The following CNTN5 variants were observed in gnomAD, a reference collection of about 807,000 sequenced individuals.
CNTN5 encodes the protein contactin-5.
Under a neutral mutation model 129.1 loss-of-function variants are expected in CNTN5, and 77 were observed. The ratio of observed to expected loss-of-function variants is 0.60; its 90% CI spans 0.50 to 0.72. The LOEUF (loss-of-function observed/expected upper bound fraction) is 0.72, where lower values mean the gene tolerates loss of function less well. Among genes scored for constraint, CNTN5 ranks in the 30% least tolerant of loss-of-function variants. The pLI is 0.00. For missense variants in CNTN5, 1,478 were observed against 1,328.8 expected, an observed-to-expected ratio of 1.11 and a Z score of -1.75; for synonymous variants, 509 against 465.6, an observed-to-expected ratio of 1.09 and a Z score of -1.20.
chr11:99,449,744 G>A (rs779430756), intron 2 of CNTN5, among the ~76,000 whole-genome samples: 1 of 152,128 alleles, frequency 6.6e-6, no homozygotes, highest in South Asian at 2.1e-4. Context: ...GCCCCACCAG[G>A]TTTTCTCTTG....
intron 3 of CNTN5, among the ~76,000 whole-genome samples, chr11:99,781,647 T>C (rs1248932895): frequency 6.6e-6 from 1 of 152,050 alleles, no homozygotes. Flanking sequence ...ACCCAGCAGG[T>C]ACTCAATGAA....
intron 1 of CNTN5, among the ~76,000 whole-genome samples, chr11:99,142,064 G>T (rs769363118): frequency 1.3e-5 from 2 of 152,060 alleles, no homozygotes; most frequent in African/African-American, 4.8e-5. Flanking sequence ...TTTGCTTCTC[G>T]ATGATTTCAA....
chr11:100,210,651 T>G (rs1270528661), intron 15 of CNTN5, among the ~76,000 whole-genome samples: 1 of 152,216 alleles, frequency 6.6e-6, no homozygotes, highest in East Asian at 1.9e-4. Context: ...CTGAATTTCT[T>G]GTATTCAACA....
At chr11:99,675,650 G>A (rs915483695) in intron 3 of CNTN5, among the ~76,000 whole-genome samples, 6 of 152,058 alleles carry the variant, frequency 3.9e-5, no homozygotes, top group African/African-American at 1.4e-4. Flanking sequence ...GTGCCCCACT[G>A]CCCTCCAGCC....
In CNTN5 at chr11:100,255,747, C is replaced by A. The variant is rs770751110; in HGVS notation, c.2006-13C>A. 5.0e-6 allele frequency: 8 copies of A among 1,612,376 alleles called. No individual in the cohort carries two copies. The South Asian group carries it at 8.8e-5, about 18-fold the overall frequency. On this transcript the variant is annotated splice_polypyrimidine_tract_variant and intron_variant, in intron 16 of 24. Coordinates refer to ENST00000524871, the MANE Select transcript of CNTN5 (RefSeq NM_014361.4). The stretch of plus-strand genomic sequence containing the variant: ...ATTTGTGCTTAACTTTATCCATTGC[C>A]TTTGACCTATAGGACCCCCAGGCCC...
At chr11:99,254,474 T>C (rs1862275852) in intron 1 of CNTN5, among the ~76,000 whole-genome samples, 1 of 151,914 alleles carries the variant, frequency 6.6e-6, no homozygotes, top group South Asian at 2.1e-4. Flanking sequence ...AGGAAATAGA[T>C]TTTGCATCAG....
chr11:100,204,256 C>G (rs1180552742), intron 15 of CNTN5, among the ~76,000 whole-genome samples: 2 of 112,718 alleles, frequency 1.8e-5, no homozygotes, highest in African/African-American at 3.1e-5. Context: ...GAACTAAAAA[C>G]TAGCCATTTA....
chr11:99,650,065 A>AT lies in CNTN5; in HGVS notation c.55+93803dup, dbSNP rs1284497015. Among the ~76,000 whole-genome samples, 4 of 151,856 alleles carry AT rather than the reference A, an allele frequency of 2.6e-5. No homozygotes were observed. In the East Asian group the frequency reaches 5.8e-4, roughly 22 times the overall value. On this transcript the variant is annotated intron_variant, in intron 3 of 24. Coordinates refer to ENST00000524871, the MANE Select transcript of CNTN5 (RefSeq NM_014361.4). ...AGCATGCAAAAGACATAAAAAGAGT[A>AT]TTTTTTTCTGAACTGTTGAGCTATA...
intron 9 of CNTN5, among the ~76,000 whole-genome samples, chr11:100,060,505 C>T (rs1943419886): frequency 6.6e-6 from 1 of 152,006 alleles, no homozygotes; most frequent in Non-Finnish European, 1.5e-5. Context: ...ATAAGATTTG[C>T]AGTGTTGGAG....
intron 1 of CNTN5, among the ~76,000 whole-genome samples, chr11:99,284,623 G>T (rs1196555122): frequency 8.2e-6 from 1 of 121,280 alleles, no homozygotes; most frequent in Non-Finnish European, 1.9e-5. Flanking sequence ...GTGTGTGTGT[G>T]TGTGTGTGTG....
chr11:99,371,081 A>G (rs751805055), intron 2 of CNTN5, among the ~76,000 whole-genome samples: 2 of 151,982 alleles, frequency 1.3e-5, no homozygotes, highest in African/African-American at 2.4e-5. Flanking sequence ...TCAAGTTTCT[A>G]TTTTTGCTCA....
At chr11:99,664,973 C>T (rs1470936340) in intron 3 of CNTN5, among the ~76,000 whole-genome samples, 2 of 152,150 alleles carry the variant, frequency 1.3e-5, no homozygotes. Flanking sequence ...TTTATCAGGA[C>T]AGACTCATAT....
chr11:100,127,867 G>T (rs897133485), intron 13 of CNTN5, among the ~76,000 whole-genome samples: 1 of 151,394 alleles, frequency 6.6e-6, no homozygotes, highest in African/African-American at 2.4e-5. Context: ...CACCATCTTG[G>T]CCAGGCTGGT....
At chr11:99,653,512 T>C (rs1388011814) in intron 3 of CNTN5, among the ~76,000 whole-genome samples, 1 of 151,988 alleles carries the variant, frequency 6.6e-6, no homozygotes, top group Non-Finnish European at 1.5e-5. Flanking sequence ...TTAAAGAAAG[T>C]GTGTATCTTG....
chr11:99,123,988 T>C (rs1858493496), intron 1 of CNTN5, among the ~76,000 whole-genome samples: 1 of 152,002 alleles, frequency 6.6e-6, no homozygotes, highest in East Asian at 1.9e-4. Flanking sequence ...TTGGTCCTTT[T>C]TTCTTAGATT....
At chr11:100,292,413 A>G (rs1317188892) in intron 18 of CNTN5, among the ~76,000 whole-genome samples, 17 of 152,004 alleles carry the variant, frequency 1.1e-4, no homozygotes. Context: ...CACAGTAACC[A>G]TTTCACATTC....
chr11:99,408,242 T>C (rs183715582), intron 2 of CNTN5, among the ~76,000 whole-genome samples: 2 of 151,236 alleles, frequency 1.3e-5, no homozygotes, highest in East Asian at 3.9e-4. Context: ...TACAAGAGAC[T>C]GTGTATTACT....
chr11:99,811,825 C>T (rs530266435), intron 3 of CNTN5, among the ~76,000 whole-genome samples: 47 of 152,004 alleles, frequency 3.1e-4, no homozygotes, highest in African/African-American at 1.0e-3. Flanking sequence ...ACACATGCTC[C>T]CTAAGGTCTA....
At chr11:99,524,091 A>G (rs936245694) in intron 2 of CNTN5, among the ~76,000 whole-genome samples, 2 of 152,220 alleles carry the variant, frequency 1.3e-5, no homozygotes, top group Admixed American at 1.3e-4. Context: ...TAAAAAAATG[A>G]ATGAAAATAA....
Sources: allele counts gnomAD v4.1 joint callset (sites outside exome capture counted in the v4.1 genomes callset), GRCh38; gene constraint gnomAD v4.1.1; transcripts MANE v1.5; gene names NCBI Gene and HGNC (gene_info 2026-07-23, HGNC 2026-07-21).